The following EVC variants were observed in gnomAD, a reference collection of about 807,000 sequenced individuals.
EVC encodes the protein evC complex member EVC.
In EVC, 116 loss-of-function variants were observed where a neutral mutation model predicts 118.9. That is an observed-to-expected ratio of 0.98 (90% CI 0.84 to 1.14). The LOEUF is 1.14. Among genes scored for constraint, EVC ranks in the 50% most tolerant of loss-of-function variants. EVC has a pLI of 0.00. For synonymous variants in EVC, 619 were observed against 534.7 expected, an observed-to-expected ratio of 1.16 and a Z score of -2.18; for missense variants, 1,401 against 1,246.4, an observed-to-expected ratio of 1.12 and a Z score of -1.87.
Position 5,756,405 on chromosome 4 carries a change from T to C in EVC, c.1563+43T>C, listed in dbSNP as rs756079087. 3 of 1,523,784 alleles carry C rather than the reference T, an allele frequency of 2.0e-6. No homozygotes were observed. The highest frequency in any genetic ancestry group is 2.7e-6 in the Non-Finnish European group (3 of 1,112,820). The allele number at this position is 1,523,784 out of a possible 1,614,324, so 94.4% of individuals were successfully genotyped here. A position where few individuals can be genotyped will look rare whatever the true frequency, so the allele number is the denominator to read the frequency against. ...GGACCAGCAGAGAAGCCCCAGGGTC[T>C]GTGTGTGTGCGAGAACCTCACATCC... On this transcript the variant is annotated intron_variant, in intron 11 of 20. Coordinates refer to ENST00000264956, the MANE Select transcript of EVC (RefSeq NM_153717.3). This position sits in a 1 kb window ranked among gnomAD's most constrained non-coding sequence, Gnocchi z 4.2.
At chr4:5,734,453 A>G (rs1175623377) in intron 5 of EVC, among the ~76,000 whole-genome samples, 2 of 152,118 alleles carry the variant, frequency 1.3e-5, no homozygotes, top group Non-Finnish European at 2.9e-5. Flanking sequence ...CAGCCTGGGC[A>G]ACATGGCAAA....
At chr4:5,713,909 TAAATA>T (rs891902305) in intron 1 of EVC, among the ~76,000 whole-genome samples, 52 of 150,702 alleles carry the variant, frequency 3.5e-4, no homozygotes, top group African/African-American at 1.1e-3. Flanking sequence ...ATCTAAAAAA[TAAATA>T]AATAAATAAA....
At chr4:5,726,479 A>G (rs1309468914) in intron 2 of EVC, among the ~76,000 whole-genome samples, 13 of 151,546 alleles carry the variant, frequency 8.6e-5, no homozygotes, top group Admixed American at 8.5e-4. Context: ...CTTATTAATG[A>G]GTCAGGGGAG....
intron 11 of EVC, among the ~76,000 whole-genome samples, chr4:5,773,368 A>G (rs1734272060): frequency 6.6e-6 from 1 of 151,980 alleles, no homozygotes; most frequent in Non-Finnish European, 1.5e-5. Flanking sequence ...GCCTTGCTCC[A>G]TGTCCCTCCC....
At chr4:5,821,995 C>T in the EVC span, 2 of 661,292 alleles carry the variant, frequency 3.0e-6, no homozygotes, top group Admixed American at 2.9e-5. This position sits in a 1 kb window ranked among gnomAD's most constrained non-coding sequence, Gnocchi z 4.4. Flanking sequence ...GGGAAGCCTC[C>T]CTGGCCTCCA....
At chr4:5,732,219 G>T (rs935856588) in intron 4 of EVC, among the ~76,000 whole-genome samples, 3 of 152,192 alleles carry the variant, frequency 2.0e-5, no homozygotes, top group African/African-American at 7.2e-5. Context: ...CCAGAGCAGG[G>T]CTCCGCACGT....
intron 17 of EVC, 118 bp downstream of exon 17, chr4:5,804,959 A>G: frequency 4.5e-6 from 4 of 887,128 alleles, no homozygotes; most frequent in Non-Finnish European, 7.3e-6. Context: ...CTTGGGGGCC[A>G]TCGGCCTTCC....
Position 5,811,332 on chromosome 4 carries a change from G to A in EVC, c.*295G>A, listed in dbSNP as rs1188268245. On this transcript the variant is annotated 3_prime_UTR_variant, in exon 21 of 21. Coordinates refer to ENST00000264956, the MANE Select transcript of EVC (RefSeq NM_153717.3). ...TTCTCCCCAAGGAGGGACGTCTTGA[G>A]GGGTCCGAGCCTCAGGCCAAGGACC... 1 of 414,822 alleles carries A rather than the reference G, an allele frequency of 2.4e-6. No individual in the cohort carries two copies. Among genetic ancestry groups the A allele is most frequent in the East Asian group, 5.1e-5 (1 of 19,592 alleles). 25.7% of individuals were successfully genotyped at this position (414,822 alleles called of 1,614,324 possible). A position where few individuals can be genotyped will look rare whatever the true frequency, so the allele number is the denominator to read the frequency against.
At chr4:5,805,595 C>T (rs1715741322) in intron 17 of EVC, among the ~76,000 whole-genome samples, 1 of 152,204 alleles carries the variant, frequency 6.6e-6, no homozygotes, top group Admixed American at 6.5e-5. Context: ...GGGCCCACAC[C>T]TGGAGACTCA....
intron 8 of EVC, among the ~76,000 whole-genome samples, chr4:5,751,878 C>A (rs1292685136): frequency 2.6e-5 from 4 of 152,204 alleles, no homozygotes; most frequent in Non-Finnish European, 4.4e-5. Context: ...AGAGGCTGGG[C>A]AGCCGGGACC....
downstream of EVC, among the ~76,000 whole-genome samples, chr4:5,816,139 G>A (rs17748291): frequency 0.066 from 10,059 of 152,182 alleles, 361 homozygotes; most frequent in African/African-American, 0.1. Flanking sequence ...CTGGGGATCT[G>A]TTTTTTCCCC....
rs539139166 is a variant in EVC at position 5,768,749 on chromosome 4, C to T, written c.1563+12387C>T. On this transcript the variant is annotated intron_variant, in intron 11 of 20. Coordinates refer to ENST00000264956, the MANE Select transcript of EVC (RefSeq NM_153717.3). ...GTGGGTGCCTGTTATCCCAGCTACT[C>T]GGGAGGCTGAGGCATGAGAATCGCT... Among the ~76,000 whole-genome samples, 5 of 150,968 alleles carry T rather than the reference C, an allele frequency of 3.3e-5. No individual in the cohort carries two copies. The South Asian group carries it at 8.4e-4, about 25-fold the overall frequency.
At chr4:5,781,266 G>A (rs145177500) in intron 11 of EVC, among the ~76,000 whole-genome samples, 4 of 152,266 alleles carry the variant, frequency 2.6e-5, no homozygotes, top group East Asian at 1.9e-4. Flanking sequence ...CTGCCAGCAC[G>A]TGCTTGGTTG....
rs1196484973 is a variant in EVC at position 5,783,746 on chromosome 4, C to T, written c.1758C>T (p.Leu586=). ...RRQQWKLFQE[L]LEQDQQVWME... ...AGCAGTGGAAACTCTTCCAGGAGCT[C>T]CTAGAGCAAGACCAGCAGGTGCGGG... The change falls in exon 12 of 21, where the codon CTC becomes CTT. Residue 586 remains leucine (L), a synonymous_variant. Coordinates refer to ENST00000264956, the MANE Select transcript of EVC (RefSeq NM_153717.3). The T allele has an allele frequency of 6.2e-7, 1 of 1,612,624 alleles. No homozygotes were observed. Among genetic ancestry groups the T allele is most frequent in the Admixed American group, 1.7e-5 (1 of 59,676 alleles).
At chr4:5,819,489 G>A in the EVC span, among the ~76,000 whole-genome samples, 18 of 152,342 alleles carry the variant, frequency 1.2e-4, no homozygotes, top group African/African-American at 4.1e-4. Flanking sequence ...CTGTAACTGT[G>A]CCTCTTGGAG....
intron 1 of EVC, among the ~76,000 whole-genome samples, chr4:5,716,338 G>A (rs1340137031): frequency 2.6e-5 from 4 of 152,230 alleles, no homozygotes; most frequent in African/African-American, 9.6e-5. Flanking sequence ...ATCTTGAAGT[G>A]GAGGCTTGCA....
chr4:5,736,242 T>C (rs1280554832), intron 5 of EVC, among the ~76,000 whole-genome samples: 1 of 152,024 alleles, frequency 6.6e-6, no homozygotes, highest in African/African-American at 2.4e-5. Flanking sequence ...GTGGCTGCAC[T>C]TACGTGAATC....
chr4:5,747,034 G>A lies in EVC; in HGVS notation c.940-1114G>A, dbSNP rs1176451569. ...GGCTCCAAGGGGAAGAGCAGGGTGAGAGCCTGAGGGTGTCAGGCAGGTTTG... is the reference window on the plus strand; with the variant it reads ...GGCTCCAAGGGGAAGAGCAGGGTGAAAGCCTGAGGGTGTCAGGCAGGTTTG... On this transcript the variant is annotated intron_variant, in intron 7 of 20. Transcript: ENST00000264956. Among the ~76,000 whole-genome samples, 4 of 152,202 alleles carry A rather than the reference G, an allele frequency of 2.6e-5. No individual in the cohort carries two copies. In the South Asian group the frequency reaches 8.3e-4, roughly 32 times the overall value.
At position 5,720,979 on chromosome 4, in the gene EVC, C is replaced by A. The variant is rs539296620; in HGVS notation, c.300+1606C>A. 3.9e-5 allele frequency among the ~76,000 whole-genome samples: 6 copies of A among 152,266 alleles called. No individual in the cohort carries two copies. In the South Asian group the frequency reaches 8.3e-4, roughly 21 times the overall value. On this transcript the variant is annotated intron_variant, in intron 2 of 20. Transcript: ENST00000264956. ...CCTGTGCTGTCTCTGACACTGTGTGCTTGCCTCTCCACGTGTGTCTGTGTA... is the reference window on the plus strand; with the variant it reads ...CCTGTGCTGTCTCTGACACTGTGTGATTGCCTCTCCACGTGTGTCTGTGTA...
Sources: gnomAD v4.1 joint callset for allele counts (sites outside exome capture counted in the v4.1 genomes callset) on GRCh38, gnomAD v4.1.1 for gene constraint, Gnocchi (gnomAD v3.1) non-coding constraint, MANE v1.5 for transcripts, NCBI Gene and HGNC (gene_info 2026-07-23, HGNC 2026-07-21) for gene names.